MIPOL1: variants seen among roughly 807,000 people sequenced by gnomAD.
MIPOL1 encodes the protein mirror-image polydactyly gene 1 protein.
A neutral mutation model predicts 60.9 loss-of-function variants in MIPOL1; 57 were observed. The observed-to-expected ratio is 0.94, with a 90% CI of 0.76 to 1.17. MIPOL1 has a LOEUF of 1.17. Among genes scored for constraint, MIPOL1 ranks in the 50% most tolerant of loss-of-function variants. The pLI, the probability that MIPOL1 is intolerant of heterozygous loss-of-function variation, is 0.00. For missense variants in MIPOL1, 551 were observed against 511.6 expected (o/e 1.08, Z -0.74); for synonymous variants, 179 against 168.8 (o/e 1.06, Z -0.47).
chr14:37,343,497 A>G (rs925048434), intron 9 of MIPOL1, among the ~76,000 whole-genome samples: 1 of 152,186 alleles, frequency 6.6e-6, no homozygotes, highest in Non-Finnish European at 1.5e-5. Flanking sequence ...TTGACTGGAA[A>G]AGTCTAATAT....
intron 10 of MIPOL1, among the ~76,000 whole-genome samples, chr14:37,377,593 T>C (rs1486066466): frequency 6.6e-6 from 1 of 152,076 alleles, no homozygotes; most frequent in Non-Finnish European, 1.5e-5. Flanking sequence ...TCTATTAACA[T>C]CTATCAATTA....
At chr14:37,517,663 T>C (rs936845953) in intron 12 of MIPOL1, among the ~76,000 whole-genome samples, 1 of 152,148 alleles carries the variant, frequency 6.6e-6, no homozygotes, top group African/African-American at 2.4e-5. Flanking sequence ...TGATGGTACG[T>C]GCACATAGTG....
chr14:37,376,290 T>C (rs1337473721), intron 10 of MIPOL1, among the ~76,000 whole-genome samples: 1 of 152,204 alleles, frequency 6.6e-6, no homozygotes, highest in Non-Finnish European at 1.5e-5. Context: ...TATAGTATCA[T>C]GCAGGACAGT....
At chr14:37,296,531 A>G (rs1225045795) in intron 7 of MIPOL1, among the ~76,000 whole-genome samples, 1 of 152,204 alleles carries the variant, frequency 6.6e-6, no homozygotes, top group Non-Finnish European at 1.5e-5. Context: ...TTTTTTGAAA[A>G]GATCAACAAA....
chr14:37,205,586 A>C (rs1163732452), intron 1 of MIPOL1, among the ~76,000 whole-genome samples: 2 of 152,052 alleles, frequency 1.3e-5, no homozygotes, highest in South Asian at 2.1e-4. Flanking sequence ...CATCATTTAC[A>C]TTGGGTGTTT....
At chr14:37,524,307 A>G (rs2095432210) in intron 12 of MIPOL1, among the ~76,000 whole-genome samples, 2 of 152,112 alleles carry the variant, frequency 1.3e-5, no homozygotes, top group African/African-American at 4.8e-5. Flanking sequence ...GGGGAGATTG[A>G]GAGAAATAGT....
At chr14:37,365,501 G>A (rs932098764) in intron 9 of MIPOL1, among the ~76,000 whole-genome samples, 1 of 152,104 alleles carries the variant, frequency 6.6e-6, no homozygotes, top group Admixed American at 6.5e-5. Flanking sequence ...TTGATGTGAT[G>A]TATCACATTG....
intron 11 of MIPOL1, among the ~76,000 whole-genome samples, chr14:37,453,080 T>G (rs1237665353): frequency 6.6e-6 from 1 of 152,176 alleles, no homozygotes; most frequent in Non-Finnish European, 1.5e-5. Context: ...TTCCTTCAAT[T>G]CCCATCTGAT....
intron 9 of MIPOL1, among the ~76,000 whole-genome samples, chr14:37,359,482 C>T (rs1373723082): frequency 1.3e-5 from 2 of 152,156 alleles, no homozygotes; most frequent in Non-Finnish European, 2.9e-5. Flanking sequence ...GAATGTTCTT[C>T]CATTTGTTTG....
chr14:37,254,257 G>C (rs893578910), intron 3 of MIPOL1, among the ~76,000 whole-genome samples: 1 of 151,642 alleles, frequency 6.6e-6, no homozygotes, highest in Admixed American at 6.6e-5. Flanking sequence ...TTTTAAGCTT[G>C]ATGTGAATGA....
chr14:37,458,363 T>C (rs1056464432), intron 11 of MIPOL1, among the ~76,000 whole-genome samples: 1 of 152,198 alleles, frequency 6.6e-6, no homozygotes, highest in East Asian at 1.9e-4. Flanking sequence ...TGGCAGAATA[T>C]ACATTTTTCT....
intron 12 of MIPOL1, among the ~76,000 whole-genome samples, chr14:37,521,676 C>T (rs150000098): frequency 3.7e-4 from 56 of 152,174 alleles, no homozygotes; most frequent in South Asian, 1.9e-3. Flanking sequence ...CTGATTGAGT[C>T]ATGAACTATT....
chr14:37,395,487 A>G lies in MIPOL1; in HGVS notation c.936+25863A>G, dbSNP rs1042195070. 2.0e-5 allele frequency among the ~76,000 whole-genome samples: 3 copies of G among 152,110 alleles called. No individual in the cohort carries two copies. In the East Asian group the frequency reaches 5.8e-4, roughly 29 times the overall value. On this transcript the variant is annotated intron_variant, in intron 10 of 12. Transcript: ENST00000684589. ...CACCTCCTTGGTTAGGTAGATTCCTAAATATTTTATTTATTTATTTATTTT... is the reference window on the plus strand; with the variant it reads ...CACCTCCTTGGTTAGGTAGATTCCTGAATATTTTATTTATTTATTTATTTT...
chr14:37,514,667 G>A (rs2095355218), intron 12 of MIPOL1, among the ~76,000 whole-genome samples: 1 of 151,308 alleles, frequency 6.6e-6, no homozygotes, highest in East Asian at 2.0e-4. Context: ...TGTTGCCCAG[G>A]CTGGAGTACA....
chr14:37,513,614 A>G (rs1228779429), intron 12 of MIPOL1, among the ~76,000 whole-genome samples: 1 of 152,164 alleles, frequency 6.6e-6, no homozygotes, highest in Non-Finnish European at 1.5e-5. Context: ...GATCCAGGCT[A>G]AAGAAGAAAA....
intron 3 of MIPOL1, among the ~76,000 whole-genome samples, chr14:37,255,822 G>C (rs1974827567): frequency 6.6e-6 from 1 of 151,666 alleles, no homozygotes. Context: ...ACTAAAAAGT[G>C]ATTATTTTCA....
intron 1 of MIPOL1, among the ~76,000 whole-genome samples, chr14:37,209,837 G>C (rs1966651743): frequency 6.6e-6 from 1 of 151,800 alleles, no homozygotes; most frequent in South Asian, 2.1e-4. Flanking sequence ...CCAGGTAGCT[G>C]GGACTACAAG....
rs1210416105 is a variant in MIPOL1, at chr14:37,422,836, A to C, written c.937-19A>C. On this transcript the variant is annotated intron_variant, in intron 10 of 12. Transcript: ENST00000684589. The stretch of plus-strand genomic sequence containing the variant: ...ACCAAAATGAATACTGAATTTCTTA[A>C]AATATTAATTACTTTTAGGCAAAGT... 8 of 1,521,022 alleles carry C rather than the reference A, an allele frequency of 5.3e-6. No individual in the cohort carries two copies. The highest frequency in any genetic ancestry group is 3.5e-5 in the South Asian group (3 of 84,854). The allele number at this position is 1,521,022 out of a possible 1,614,324, so 94.2% of individuals were successfully genotyped here. A position where few individuals can be genotyped will look rare whatever the true frequency, so the allele number is the denominator to read the frequency against.
intron 11 of MIPOL1, among the ~76,000 whole-genome samples, chr14:37,451,698 G>A (rs1274920790): frequency 6.6e-6 from 1 of 151,782 alleles, no homozygotes; most frequent in East Asian, 1.9e-4. Context: ...TTAGTTAAAG[G>A]ATTATTTTTA....
Sources: gnomAD v4.1 joint callset for allele counts (sites outside exome capture counted in the v4.1 genomes callset) on GRCh38, gnomAD v4.1.1 for gene constraint, MANE v1.5 for transcripts, NCBI Gene and HGNC (gene_info 2026-07-23, HGNC 2026-07-21) for gene names.